The following APBB2 variants were observed in gnomAD, a reference collection of about 807,000 sequenced individuals.
APBB2 encodes amyloid beta precursor protein binding family B member 2, also known as Fe65-like 1.
A neutral mutation model predicts 82.5 loss-of-function variants in APBB2; 38 were observed. The ratio of observed to expected loss-of-function variants is 0.46; its 90% CI spans 0.36 to 0.60. The LOEUF (loss-of-function observed/expected upper bound fraction) is 0.60. APBB2 is among the 20% of genes least tolerant of loss of function. The pLI is 0.00. For synonymous variants in APBB2, 341 were observed against 368.2 expected, an observed-to-expected ratio of 0.93 and a Z score of 0.85; for missense variants, 772 against 972.3, an observed-to-expected ratio of 0.79 and a Z score of 2.74.
At chr4:41,164,309 T>C (rs1244325623) in intron 1 of APBB2, among the ~76,000 whole-genome samples, 1 of 152,200 alleles carries the variant, frequency 6.6e-6, no homozygotes, top group Non-Finnish European at 1.5e-5. Flanking sequence ...GCACTTCAGA[T>C]TTTCACATGA....
intron 2 of APBB2, among the ~76,000 whole-genome samples, chr4:41,103,893 A>C (rs1464843915): frequency 6.6e-6 from 1 of 152,222 alleles, no homozygotes; most frequent in African/African-American, 2.4e-5. Flanking sequence ...CTCATAATTC[A>C]AGGACAAATA....
chr4:40,984,963 C>T (rs1800027075), intron 6 of APBB2, among the ~76,000 whole-genome samples: 1 of 151,934 alleles, frequency 6.6e-6, no homozygotes, highest in Admixed American at 6.6e-5. Flanking sequence ...ACTCTCTTGC[C>T]CAGGCTGTAG....
At chr4:41,145,154 C>T (rs115784351) in intron 1 of APBB2, among the ~76,000 whole-genome samples, 1,890 of 152,174 alleles carry the variant, frequency 0.012, 35 homozygotes, top group African/African-American at 0.044. Context: ...TAAAAGAATG[C>T]CTCCTGGTGT....
chr4:41,088,829 A>C (rs925726762), intron 3 of APBB2, among the ~76,000 whole-genome samples: 2 of 152,216 alleles, frequency 1.3e-5, no homozygotes, highest in African/African-American at 2.4e-5. Flanking sequence ...GATGGAAAGG[A>C]AAATGGGAAA....
In APBB2 at chr4:40,946,942, C is replaced by T. The variant is rs977187395; in HGVS notation, c.836-1869G>A. On this transcript the variant is annotated intron_variant, in intron 6 of 17. Transcript: ENST00000508593. ...CTGTGGCCACGGATGTGCATGCATG[C>T]AGTCACTTTCCTCATTTAAATCTGC... Among the ~76,000 whole-genome samples the T allele has an allele frequency of 7.5e-4, 114 of 152,196 alleles. 7 individuals are homozygous for T. Among genetic ancestry groups the T allele is most frequent in the Non-Finnish European group, 1.0e-4 (7 of 68,028 alleles).
At chr4:40,855,393 C>T (rs1170158236) in intron 12 of APBB2, among the ~76,000 whole-genome samples, 1 of 152,164 alleles carries the variant, frequency 6.6e-6, no homozygotes, top group African/African-American at 2.4e-5. Flanking sequence ...AACTAAACAA[C>T]GTGGCGGCTG....
At chr4:41,180,490 T>G (rs1355065520) in intron 1 of APBB2, among the ~76,000 whole-genome samples, 1 of 151,994 alleles carries the variant, frequency 6.6e-6, no homozygotes, top group African/African-American at 2.4e-5. Flanking sequence ...AATTAGCCAG[T>G]CATAGTGGTG....
chr4:41,041,792 G>T (rs1721601224), intron 4 of APBB2, among the ~76,000 whole-genome samples: 1 of 152,094 alleles, frequency 6.6e-6, no homozygotes, highest in South Asian at 2.1e-4. Context: ...AGAAAAATAT[G>T]CACAGACAGA....
intron 12 of APBB2, among the ~76,000 whole-genome samples, chr4:40,836,627 C>G (rs753610162): frequency 1.6e-4 from 24 of 152,108 alleles, no homozygotes; most frequent in Non-Finnish European, 2.9e-4. Context: ...AGGAGAAGCC[C>G]AGGAGAGGCT....
At position 40,816,006 on chromosome 4, in the gene APBB2, G is replaced by A; in HGVS notation, c.*86C>T. On this transcript the variant is annotated 3_prime_UTR_variant, in exon 18 of 18. Coordinates refer to ENST00000508593, the MANE Select transcript of APBB2 (RefSeq NM_004307.2). ...TCTGAAGACAAAGCATCAGCAACTGGATGGAAGGTCGGATGGCGGAGTTCA... is the reference window on the plus strand; with the variant it reads ...TCTGAAGACAAAGCATCAGCAACTGAATGGAAGGTCGGATGGCGGAGTTCA... 1 of 1,475,132 alleles carries A rather than the reference G, an allele frequency of 6.8e-7. No homozygotes were observed. Among genetic ancestry groups the A allele is most frequent in the East Asian group, 2.3e-5 (1 of 43,830 alleles). The allele number at this position is 1,475,132 out of a possible 1,614,324, so 91.4% of individuals were successfully genotyped here.
chr4:40,878,850 C>T (rs1383481755), intron 12 of APBB2, among the ~76,000 whole-genome samples: 18 of 152,070 alleles, frequency 1.2e-4, no homozygotes, highest in Admixed American at 1.2e-3. Context: ...TTCTTTGGCC[C>T]CACGTCTGAT....
chr4:40,854,657 C>T (rs989008721), intron 12 of APBB2, among the ~76,000 whole-genome samples: 16 of 151,904 alleles, frequency 1.1e-4, no homozygotes, highest in East Asian at 5.8e-4. Flanking sequence ...TGTGTGGTGG[C>T]GGGCGCCTGT....
At chr4:40,848,886 A>G in intron 12 of APBB2, 1 of 985,342 alleles carries the variant, frequency 1.0e-6, no homozygotes, top group South Asian at 4.7e-5. Flanking sequence ...AGGATCCCCC[A>G]GTCATTGTCA....
intron 6 of APBB2, among the ~76,000 whole-genome samples, chr4:40,968,991 G>A (rs185554336): frequency 8.5e-5 from 13 of 152,218 alleles, no homozygotes; most frequent in Admixed American, 1.3e-4. Flanking sequence ...TTCTCCTTTC[G>A]CTTGGCTCTC....
chr4:40,835,093 C>T (rs776932935), intron 12 of APBB2, among the ~76,000 whole-genome samples: 7 of 151,774 alleles, frequency 4.6e-5, no homozygotes, highest in Admixed American at 2.0e-4. Flanking sequence ...CTGGCTAACA[C>T]GTGAAACCCC....
At chr4:41,003,917 T>C (rs1461720917) in intron 6 of APBB2, among the ~76,000 whole-genome samples, 1 of 152,184 alleles carries the variant, frequency 6.6e-6, no homozygotes, top group Non-Finnish European at 1.5e-5. Flanking sequence ...TTCACCATGT[T>C]GGCCAGGCTG....
chr4:41,058,824 G>A (rs954421071), intron 4 of APBB2, among the ~76,000 whole-genome samples: 1 of 152,176 alleles, frequency 6.6e-6, no homozygotes, highest in African/African-American at 2.4e-5. Flanking sequence ...AGGTGACAGG[G>A]AAGGGCTCTG....
intron 1 of APBB2, among the ~76,000 whole-genome samples, chr4:41,197,128 TG>T: frequency 6.6e-6 from 1 of 152,340 alleles, no homozygotes; most frequent in East Asian, 1.9e-4. Context: ...TTTTTTATTT[TG>T]CCTAATCAGC....
intron 1 of APBB2, among the ~76,000 whole-genome samples, chr4:41,199,938 T>C (rs148830731): frequency 9.2e-4 from 140 of 152,336 alleles, no homozygotes; most frequent in East Asian, 2.1e-3. Flanking sequence ...ATTTCCACAA[T>C]AGGCTAATTC....
Sources: gnomAD v4.1 joint callset for allele counts (sites outside exome capture counted in the v4.1 genomes callset) on GRCh38, gnomAD v4.1.1 for gene constraint, MANE v1.5 for transcripts, NCBI Gene and HGNC (gene_info 2026-07-23, HGNC 2026-07-21) for gene names.